Variants in GALNT7 observed in about 807,000 individuals in gnomAD.
The protein encoded by GALNT7 is N-acetylgalactosaminyltransferase 7.
Under a neutral mutation model 82.1 loss-of-function variants are expected in GALNT7, and 60 were observed. The observed-to-expected ratio is 0.73, with a 90% CI of 0.59 to 0.91. The LOEUF (loss-of-function observed/expected upper bound fraction) is 0.91. Ranked by LOEUF, GALNT7 falls within the 40% of genes least tolerant of loss-of-function variation. The pLI, the probability that GALNT7 is intolerant of heterozygous loss-of-function variation, is 0.00. For synonymous variants in GALNT7, 243 were observed against 275.1 expected, an observed-to-expected ratio of 0.88 and a Z score of 1.15; for missense variants, 660 against 804.2, an observed-to-expected ratio of 0.82 and a Z score of 2.17.
At chr4:173,287,084 C>T (rs1269383975) in intron 2 of GALNT7, among the ~76,000 whole-genome samples, 1 of 152,204 alleles carries the variant, frequency 6.6e-6, no homozygotes, top group African/African-American at 2.4e-5. Context: ...CAGCAACTTT[C>T]TTCCCATATT....
intron 1 of GALNT7, among the ~76,000 whole-genome samples, chr4:173,172,904 T>C (rs1010151570): frequency 1.3e-5 from 2 of 152,032 alleles, no homozygotes; most frequent in Admixed American, 1.3e-4. Flanking sequence ...TTGAAAGATT[T>C]TAAGTAGGGA....
chr4:173,180,196 A>G (rs1732197156), intron 1 of GALNT7, among the ~76,000 whole-genome samples: 1 of 152,112 alleles, frequency 6.6e-6, no homozygotes, highest in African/African-American at 2.4e-5. Flanking sequence ...GAACAGTCTA[A>G]TTACGTTAAG....
At chr4:173,229,507 C>T (rs537371046) in intron 1 of GALNT7, among the ~76,000 whole-genome samples, 6 of 152,258 alleles carry the variant, frequency 3.9e-5, no homozygotes, top group Middle Eastern at 3.4e-3. Flanking sequence ...ATGCCTCCCT[C>T]GACCTAGAGA....
intron 1 of GALNT7, among the ~76,000 whole-genome samples, chr4:173,194,313 T>G (rs1446843139): frequency 6.6e-6 from 1 of 152,246 alleles, no homozygotes; most frequent in Non-Finnish European, 1.5e-5. Flanking sequence ...AAAGGGCAAT[T>G]TAAATTTAAA....
At chr4:173,221,160 C>T (rs989221705) in intron 1 of GALNT7, among the ~76,000 whole-genome samples, 6 of 151,998 alleles carry the variant, frequency 3.9e-5, no homozygotes, top group Non-Finnish European at 8.8e-5. Context: ...CTCTCCAGCA[C>T]CTGTTGTTTC....
At chr4:173,285,981 GAC>G (rs1554027601) in intron 2 of GALNT7, among the ~76,000 whole-genome samples, 1 of 151,766 alleles carries the variant, frequency 6.6e-6, no homozygotes. Flanking sequence ...AGAATGATAA[GAC>G]ACAGTGGAAA....
chr4:173,191,757 T>G (rs1323505647), intron 1 of GALNT7, among the ~76,000 whole-genome samples: 1 of 152,226 alleles, frequency 6.6e-6, no homozygotes, highest in Non-Finnish European at 1.5e-5. Context: ...TTCCTTTCTT[T>G]CCTTAGAAAT....
chr4:173,171,866 A>G (rs1731886648), intron 1 of GALNT7, among the ~76,000 whole-genome samples: 2 of 152,326 alleles, frequency 1.3e-5, no homozygotes, highest in South Asian at 4.1e-4. Flanking sequence ...ATATATAAAT[A>G]AAAATTGTGC....
intron 1 of GALNT7, among the ~76,000 whole-genome samples, chr4:173,228,748 C>A (rs1302352494): frequency 6.6e-6 from 1 of 152,114 alleles, no homozygotes. Context: ...GGTCTAAGAT[C>A]TTTGTGACCC....
At chr4:173,234,393 C>T (rs935081323) in intron 1 of GALNT7, among the ~76,000 whole-genome samples, 7 of 152,166 alleles carry the variant, frequency 4.6e-5, no homozygotes, top group African/African-American at 1.4e-4. Flanking sequence ...TTTCTGTCTC[C>T]TCTTGAATGT....
chr4:173,185,862 T>A (rs535920897), intron 1 of GALNT7, among the ~76,000 whole-genome samples: 2 of 152,254 alleles, frequency 1.3e-5, no homozygotes, highest in African/African-American at 4.8e-5. Context: ...GATAAGCTGC[T>A]ATCCTAGTGA....
At chr4:173,210,718 C>T (rs762835426) in intron 1 of GALNT7, among the ~76,000 whole-genome samples, 4 of 152,160 alleles carry the variant, frequency 2.6e-5, no homozygotes, top group Non-Finnish European at 5.9e-5. Flanking sequence ...AGGGGTGAGC[C>T]ACCATGCCTG....
chr4:173,312,348 G>T (rs576714490), intron 8 of GALNT7, among the ~76,000 whole-genome samples: 1 of 152,232 alleles, frequency 6.6e-6, no homozygotes, highest in East Asian at 1.9e-4. Flanking sequence ...TTCAGCTCAT[G>T]ATGGGAAGCA....
chr4:173,172,934 A>T (rs1731922397), intron 1 of GALNT7, among the ~76,000 whole-genome samples: 1 of 152,146 alleles, frequency 6.6e-6, no homozygotes, highest in South Asian at 2.1e-4. Flanking sequence ...TTGTGTTTTG[A>T]AAAGATCACT....
chr4:173,285,360 G>A (rs188665539), intron 2 of GALNT7, among the ~76,000 whole-genome samples: 108 of 152,308 alleles, frequency 7.1e-4, no homozygotes, highest in African/African-American at 2.2e-3. Context: ...TCCTTTCAGC[G>A]TAGTTAGGAG....
intron 2 of GALNT7, among the ~76,000 whole-genome samples, chr4:173,277,538 T>C (rs1424364892): frequency 6.6e-6 from 1 of 152,196 alleles, no homozygotes; most frequent in Non-Finnish European, 1.5e-5. Flanking sequence ...TCCATTTTGA[T>C]GGCCTAGGGA....
intron 1 of GALNT7, 178 bp downstream of exon 1, chr4:173,169,139 C>T (rs1296430254): frequency 6.2e-6 from 2 of 323,630 alleles, no homozygotes; most frequent in East Asian, 5.8e-5. Flanking sequence ...TCCGACCTCC[C>T]TGGCCGCCGC....
At chr4:173,308,450 G>A (rs1323342577) in intron 8 of GALNT7, among the ~76,000 whole-genome samples, 1 of 151,842 alleles carries the variant, frequency 6.6e-6, no homozygotes, top group African/African-American at 2.4e-5. Flanking sequence ...TTTTAATTTA[G>A]ATAATCATGT....
intron 1 of GALNT7, among the ~76,000 whole-genome samples, chr4:173,213,967 A>G (rs1733361536): frequency 6.6e-6 from 1 of 152,166 alleles, no homozygotes; most frequent in Non-Finnish European, 1.5e-5. Flanking sequence ...ATAGACTTAA[A>G]TAGATTCTTC....
Sources: allele counts gnomAD v4.1 joint callset (sites outside exome capture counted in the v4.1 genomes callset), GRCh38; gene constraint gnomAD v4.1.1; transcripts MANE v1.5; gene names NCBI Gene and HGNC (gene_info 2026-07-23, HGNC 2026-07-21).